The following ABHD2 variants were observed in gnomAD, a reference collection of about 807,000 sequenced individuals.
ABHD2 encodes the protein abhydrolase domain containing 2, acylglycerol lipase.
In ABHD2, 20 loss-of-function variants were observed where a neutral mutation model predicts 48.1. The observed-to-expected ratio is 0.42, with a 90% CI of 0.29 to 0.60. The LOEUF is 0.60. Among genes scored for constraint, ABHD2 ranks in the 20% least tolerant of loss-of-function variants. The pLI is 0.24. For synonymous variants in ABHD2, 209 were observed against 214.2 expected, an observed-to-expected ratio of 0.98 and a Z score of 0.21; for missense variants, 405 against 550.9, an observed-to-expected ratio of 0.74 and a Z score of 2.65.
the ABHD2 span, among the ~76,000 whole-genome samples, chr15:89,054,582 G>A: frequency 0.17 from 25,648 of 151,812 alleles, 2,316 homozygotes; most frequent in Admixed American, 0.19. Flanking sequence ...TTGGAAGACC[G>A]AGGCAGGAGA....
the ABHD2 span, among the ~76,000 whole-genome samples, chr15:89,058,458 G>C: frequency 6.6e-6 from 1 of 152,278 alleles, no homozygotes; most frequent in Non-Finnish European, 1.5e-5. Context: ...GCTGTAATTT[G>C]GACAGAAACT....
chr15:89,059,902 C>T, the ABHD2 span, among the ~76,000 whole-genome samples: 2 of 152,050 alleles, frequency 1.3e-5, no homozygotes, highest in Non-Finnish European at 2.9e-5. Flanking sequence ...AGCTGTGGAA[C>T]GCAGGTCCTC....
At chr15:89,131,832 A>G (rs1199676103) in intron 3 of ABHD2, among the ~76,000 whole-genome samples, 1 of 152,174 alleles carries the variant, frequency 6.6e-6, no homozygotes, top group African/African-American at 2.4e-5. Context: ...GACGTAAGAG[A>G]GCTAGCACCC....
chr15:89,107,106 G>C (rs547624897), intron 1 of ABHD2, among the ~76,000 whole-genome samples: 1 of 152,180 alleles, frequency 6.6e-6, no homozygotes, highest in African/African-American at 2.4e-5. Context: ...AGGGAAGAAT[G>C]GGTAGTCTTT....
chr15:89,070,616 C>T, the ABHD2 span, among the ~76,000 whole-genome samples: 11 of 152,186 alleles, frequency 7.2e-5, no homozygotes, highest in African/African-American at 2.4e-4. Flanking sequence ...GGGGGAAGGC[C>T]TGAGGTTCTG....
chr15:89,185,407 C>A lies in ABHD2; in HGVS notation c.723-17C>A. The A allele has an allele frequency of 1.2e-6, 2 of 1,612,252 alleles. No homozygotes were observed. Among genetic ancestry groups the A allele is most frequent in the Non-Finnish European group, 1.7e-6 (2 of 1,178,418 alleles). ...CCCCCACACCGCAGTCACCCTCACTCGCTGTGGTTCTTCCAGGGCCCAGGA... is the reference window on the plus strand; with the variant it reads ...CCCCCACACCGCAGTCACCCTCACTAGCTGTGGTTCTTCCAGGGCCCAGGA... On this transcript the variant is annotated splice_polypyrimidine_tract_variant and intron_variant, in intron 6 of 10. Coordinates refer to ENST00000352732, the MANE Select transcript of ABHD2 (RefSeq NM_152924.5). The surrounding 1 kb of genome is among the most constrained non-coding windows in gnomAD (Gnocchi z 5.9).
At chr15:89,048,398 G>T in the ABHD2 span, among the ~76,000 whole-genome samples, 1 of 150,746 alleles carries the variant, frequency 6.6e-6, no homozygotes, top group Admixed American at 6.6e-5. Context: ...TTCTCGAGGA[G>T]TATCTTTGTG....
chr15:89,176,015 C>T lies in ABHD2; in HGVS notation c.722+20C>T. On this transcript the variant is annotated intron_variant, in intron 6 of 10. Transcript: ENST00000352732. The surrounding 1 kb of genome is among the most constrained non-coding windows in gnomAD (Gnocchi z 4.5). ...ACTGAGGTGAGTCATCTCCGCCTTCCATCAGGGCCTTCAGTTAGCCCTTAT... is the reference window on the plus strand; with the variant it reads ...ACTGAGGTGAGTCATCTCCGCCTTCTATCAGGGCCTTCAGTTAGCCCTTAT... 1 of 1,576,216 alleles carries T rather than the reference C, an allele frequency of 6.3e-7. No individual in the cohort carries two copies. The highest frequency in any genetic ancestry group is 8.6e-7 in the Non-Finnish European group (1 of 1,160,288).
Position 89,164,854 on chromosome 15 carries a change from C to G in ABHD2, c.538+9320C>G, listed in dbSNP as rs764010358. Among the ~76,000 whole-genome samples the G allele has an allele frequency of 1.3e-5, 2 of 151,988 alleles. No individual in the cohort carries two copies. Among genetic ancestry groups the G allele is most frequent in the African/African-American group, 2.4e-5 (1 of 41,374 alleles). ...AATACCAGTAAACAATAACGATTAT[C>G]ATCTTCATTGGCCCTTCACTCTAAC... On this transcript the variant is annotated intron_variant, in intron 5 of 10. Transcript: ENST00000352732. This position sits in a 1 kb window ranked among gnomAD's most constrained non-coding sequence, Gnocchi z 5.0.
At position 89,116,113 on chromosome 15, in the gene ABHD2, C is replaced by A. The variant is rs911910221; in HGVS notation, c.-6-209C>A. On this transcript the variant is annotated intron_variant, in intron 2 of 10. Transcript: ENST00000352732. The surrounding 1 kb of genome is among the most constrained non-coding windows in gnomAD (Gnocchi z 4.6). ...AAACACAGTACCCAGTTTATCCATGCTCAGACTGTTTGTGATTTGGATTAT... is the reference window on the plus strand; with the variant it reads ...AAACACAGTACCCAGTTTATCCATGATCAGACTGTTTGTGATTTGGATTAT... 6.6e-6 allele frequency among the ~76,000 whole-genome samples: 1 copy of A among 152,214 alleles called. No homozygotes were observed. Among genetic ancestry groups the A allele is most frequent in the African/African-American group, 2.4e-5 (1 of 41,454 alleles).
At position 89,122,388 on chromosome 15, in the gene ABHD2, A is replaced by G. The variant is rs151099159; in HGVS notation, c.194+5867A>G. On this transcript the variant is annotated intron_variant, in intron 3 of 10. Coordinates refer to ENST00000352732, the MANE Select transcript of ABHD2 (RefSeq NM_152924.5). ...GGTTCCAAATCTCAAGTACAATGCCATTCTGTATCTTGTTTTCCATAAACA... is the reference window on the plus strand; with the variant it reads ...GGTTCCAAATCTCAAGTACAATGCCGTTCTGTATCTTGTTTTCCATAAACA... 2.0e-5 allele frequency among the ~76,000 whole-genome samples: 3 copies of G among 152,328 alleles called. No individual in the cohort carries two copies. The East Asian group carries it at 5.8e-4, about 29-fold the overall frequency.
the ABHD2 span, among the ~76,000 whole-genome samples, chr15:89,070,859 G>T: frequency 6.6e-6 from 1 of 151,474 alleles, no homozygotes; most frequent in African/African-American, 2.4e-5. Context: ...TCTTAGTCCT[G>T]CCCCTGGAGG....
chr15:89,101,076 C>T (rs2049693773), intron 1 of ABHD2, among the ~76,000 whole-genome samples: 1 of 152,188 alleles, frequency 6.6e-6, no homozygotes, highest in South Asian at 2.1e-4. Flanking sequence ...AACTGAATGT[C>T]AACAATCAAT....
rs116945479 is a variant in ABHD2, at chr15:89,120,345, C to T, written c.194+3824C>T. 1.6e-3 allele frequency among the ~76,000 whole-genome samples: 241 copies of T among 152,144 alleles called. 1 individual carries two copies. The highest frequency in any genetic ancestry group is 2.9e-3 in the Non-Finnish European group (195 of 68,030). On this transcript the variant is annotated intron_variant, in intron 3 of 10. Coordinates refer to ENST00000352732, the MANE Select transcript of ABHD2 (RefSeq NM_152924.5). The surrounding 1 kb of genome is among the most constrained non-coding windows in gnomAD (Gnocchi z 4.2). ...GTTTACTTTTAGTGAAACAAGCAGA[C>T]GCCCAGTTCGGAATTATGACAAAAA...
intron 3 of ABHD2, among the ~76,000 whole-genome samples, chr15:89,132,559 C>T (rs2050237280): frequency 6.6e-6 from 1 of 152,146 alleles, no homozygotes; most frequent in Admixed American, 6.5e-5. Flanking sequence ...AATATTTTTG[C>T]AAGGCTTGTG....
At chr15:89,183,379 AAAAAAATATATATATAT>A (rs972998203) in intron 6 of ABHD2, 3 of 72,256 alleles carry the variant, frequency 4.2e-5, no homozygotes, top group African/African-American at 2.6e-4. Context: ...AAAAAAAAAA[AAAAAAATATATATATAT>A]ATATATATAT....
the ABHD2 span, among the ~76,000 whole-genome samples, chr15:89,072,384 A>T: frequency 6.6e-6 from 1 of 151,950 alleles, no homozygotes; most frequent in African/African-American, 2.4e-5. Context: ...TCTGAGGCAC[A>T]AGAATCACTT....
Position 89,104,739 on chromosome 15 carries a change from C to A in ABHD2, c.-106-8986C>A, listed in dbSNP as rs1243639475. Among the ~76,000 whole-genome samples the A allele has an allele frequency of 6.6e-6, 1 of 152,138 alleles. No individual in the cohort carries two copies. Among genetic ancestry groups the A allele is most frequent in the Non-Finnish European group, 1.5e-5 (1 of 68,018 alleles). On this transcript the variant is annotated intron_variant, in intron 1 of 10. Coordinates refer to ENST00000352732, the MANE Select transcript of ABHD2 (RefSeq NM_152924.5). This position sits in a 1 kb window ranked among gnomAD's most constrained non-coding sequence, Gnocchi z 4.4. ...CGGTTGTGCCAGGCACTGGGTCTTG[C>A]CCTCCCACCCCCATCTCCATTTCCT...
At position 89,131,753 on chromosome 15, in the gene ABHD2, A is replaced by G. The variant is rs963123120; in HGVS notation, c.194+15232A>G. Among the ~76,000 whole-genome samples the G allele has an allele frequency of 7.2e-5, 11 of 152,242 alleles. No homozygotes were observed. The South Asian group carries it at 2.1e-3, about 29-fold the overall frequency. ...AATTATAATTTTATAAACACTGAAA[A>G]TTAACCATAAGTGTTGCTGTAACAG... On this transcript the variant is annotated intron_variant, in intron 3 of 10. Transcript: ENST00000352732.
Sources: gnomAD v4.1 joint callset for allele counts (sites outside exome capture counted in the v4.1 genomes callset) on GRCh38, gnomAD v4.1.1 for gene constraint, Gnocchi (gnomAD v3.1) non-coding constraint, MANE v1.5 for transcripts, NCBI Gene and HGNC (gene_info 2026-07-23, HGNC 2026-07-21) for gene names.